ZFAT: variants seen among roughly 807,000 people sequenced by gnomAD.
ZFAT encodes the protein zinc finger and AT-hook domain containing, also known as zinc finger protein ZFAT.
In ZFAT, 64 loss-of-function variants were observed where a neutral mutation model predicts 117.7. That is an observed-to-expected ratio of 0.54 (90% CI 0.44 to 0.67). The LOEUF is 0.67. Ranked by LOEUF, ZFAT falls within the 30% of genes least tolerant of loss-of-function variation. ZFAT has a pLI of 0.00. For synonymous variants in ZFAT, 679 were observed against 615.0 expected, an observed-to-expected ratio of 1.10 and a Z score of -1.54; for missense variants, 1,433 against 1,584.5, an observed-to-expected ratio of 0.90 and a Z score of 1.62.
intron 12 of ZFAT, among the ~76,000 whole-genome samples, chr8:134,530,315 G>A (rs937305014): frequency 6.6e-6 from 1 of 152,190 alleles, no homozygotes; most frequent in Non-Finnish European, 1.5e-5. Flanking sequence ...AAATAGGGAT[G>A]GAGAGAGTTA....
chr8:134,718,103 A>G, the ZFAT span, among the ~76,000 whole-genome samples: 12 of 152,256 alleles, frequency 7.9e-5, no homozygotes, highest in Non-Finnish European at 1.5e-4. Flanking sequence ...TTTCGAAGTT[A>G]CATTCGACAG....
At chr8:134,774,208 G>A in the ZFAT span, among the ~76,000 whole-genome samples, 1 of 151,958 alleles carries the variant, frequency 6.6e-6, no homozygotes, top group Non-Finnish European at 1.5e-5. Context: ...TGTTGGTAAG[G>A]CTGGTCTCGA....
At chr8:134,748,508 G>C in the ZFAT span, among the ~76,000 whole-genome samples, 1 of 152,082 alleles carries the variant, frequency 6.6e-6, no homozygotes, top group Non-Finnish European at 1.5e-5. Flanking sequence ...TGGGCATTTT[G>C]TTTGTTTCTG....
chr8:134,660,432 C>A lies in ZFAT; in HGVS notation c.20-2695G>T, dbSNP rs182984993. On this transcript the variant is annotated intron_variant, in intron 1 of 15. Transcript: ENST00000377838. ...ATATCAACTTCAACTGTGTTCATTT[C>A]AGTGTCCATTGAGCAGTAACCACAG... Among the ~76,000 whole-genome samples, 17 of 152,312 alleles carry A rather than the reference C, an allele frequency of 1.1e-4. No individual in the cohort carries two copies. The East Asian group carries it at 3.1e-3, about 28-fold the overall frequency.
the ZFAT span, among the ~76,000 whole-genome samples, chr8:134,823,912 A>G: frequency 6.6e-6 from 1 of 152,250 alleles, no homozygotes; most frequent in South Asian, 2.1e-4. Flanking sequence ...GGACACTGTC[A>G]CTAAAACTCT....
chr8:134,588,382 G>T lies in ZFAT; in HGVS notation c.2577C>A (p.Ser859Arg). The change falls in exon 9 of 16, where the codon AGC becomes AGA. Residue 859 changes from serine to arginine, a missense_variant. Transcript: ENST00000377838. ...IKTNHPEVSM[S>R]TISEVLGRRV... ...TCCTCCCGAGAACCTCAGAAATGGT[G>T]CTCATGGAGACCTCTAGAAGAAAAG... 6.3e-7 allele frequency: 1 copy of T among 1,587,512 alleles called. No individual in the cohort carries two copies. The highest frequency in any genetic ancestry group is 2.3e-5 in the East Asian group (1 of 43,856).
intron 1 of ZFAT, among the ~76,000 whole-genome samples, chr8:134,663,741 A>T (rs1832058139): frequency 6.6e-6 from 1 of 152,216 alleles, no homozygotes; most frequent in African/African-American, 2.4e-5. Flanking sequence ...CTGTCTTAAA[A>T]TAGTGATAAA....
intron 3 of ZFAT, 62 bp downstream of exon 3, chr8:134,637,399 G>A: frequency 6.4e-7 from 1 of 1,555,796 alleles, no homozygotes; most frequent in Non-Finnish European, 8.7e-7. Context: ...AGTGAAACCT[G>A]ATATTAGCAG....
At chr8:134,827,225 T>C in the ZFAT span, among the ~76,000 whole-genome samples, 2 of 152,112 alleles carry the variant, frequency 1.3e-5, no homozygotes, top group East Asian at 3.9e-4. Context: ...CTAACTGTTT[T>C]GTTATTTTTG....
chr8:134,625,253 A>C (rs1464565303), intron 3 of ZFAT, among the ~76,000 whole-genome samples: 1 of 152,268 alleles, frequency 6.6e-6, no homozygotes, highest in African/African-American at 2.4e-5. Flanking sequence ...AAACCTGTGA[A>C]GGGCACGAGG....
chr8:134,678,752 T>C (rs1233353720), intron 1 of ZFAT, among the ~76,000 whole-genome samples: 2 of 151,928 alleles, frequency 1.3e-5, no homozygotes, highest in Non-Finnish European at 2.9e-5. Context: ...TATAGACCAA[T>C]GGAACAGAAC....
At chr8:134,687,854 T>C (rs1041617381) in intron 1 of ZFAT, among the ~76,000 whole-genome samples, 12 of 152,218 alleles carry the variant, frequency 7.9e-5, no homozygotes, top group African/African-American at 2.9e-4. Flanking sequence ...GCTGTTGGTC[T>C]GCGTTGCTTT....
chr8:134,832,018 G>A, the ZFAT span, among the ~76,000 whole-genome samples: 1 of 147,562 alleles, frequency 6.8e-6, no homozygotes. Flanking sequence ...GGAGGCCGCC[G>A]GCCCGCCGCG....
intron 3 of ZFAT, among the ~76,000 whole-genome samples, chr8:134,624,827 T>C (rs1829389565): frequency 6.6e-6 from 1 of 152,342 alleles, no homozygotes; most frequent in East Asian, 1.9e-4. Flanking sequence ...TTAATGTAAA[T>C]GCAATCACAC....
the ZFAT span, among the ~76,000 whole-genome samples, chr8:134,804,097 T>A: frequency 4.6e-5 from 7 of 152,306 alleles, no homozygotes; most frequent in African/African-American, 1.7e-4. Context: ...TTATACATTA[T>A]CAATTAGTCC....
chr8:134,680,261 CAAAAA>C (rs35292754), intron 1 of ZFAT, among the ~76,000 whole-genome samples: 1 of 48,928 alleles, frequency 2.0e-5, no homozygotes, highest in African/African-American at 7.8e-5. Context: ...GACTCCCCCT[CAAAAA>C]AAAAAAAAAA....
chr8:134,830,076 C>T, the ZFAT span, among the ~76,000 whole-genome samples: 1 of 152,150 alleles, frequency 6.6e-6, no homozygotes, highest in Non-Finnish European at 1.5e-5. Flanking sequence ...CTGTTTATCT[C>T]CATGAACATA....
chr8:134,594,299 TTTAA>T (rs1317065222), intron 7 of ZFAT, among the ~76,000 whole-genome samples: 4 of 152,318 alleles, frequency 2.6e-5, no homozygotes, highest in Non-Finnish European at 5.9e-5. Flanking sequence ...GTGCAATCAT[TTTAA>T]TTAAATAACA....
At chr8:134,619,775 C>A (rs976176643) in intron 3 of ZFAT, among the ~76,000 whole-genome samples, 4 of 152,218 alleles carry the variant, frequency 2.6e-5, no homozygotes, top group African/African-American at 4.8e-5. Flanking sequence ...TCAGTCTCCA[C>A]CATCCTGGTG....
Sources: allele counts gnomAD v4.1 joint callset (sites outside exome capture counted in the v4.1 genomes callset), GRCh38; gene constraint gnomAD v4.1.1; transcripts MANE v1.5; gene names NCBI Gene and HGNC (gene_info 2026-07-23, HGNC 2026-07-21).